Variants in LMF1 observed in about 807,000 individuals in gnomAD.
LMF1 encodes lipase maturation factor 1.
A neutral mutation model predicts 60.6 loss-of-function variants in LMF1; 68 were observed. The observed-to-expected ratio is 1.12, with a 90% confidence interval of 0.92 to 1.37. The LOEUF is 1.37. Among genes scored for constraint, LMF1 ranks in the 40% most tolerant of loss-of-function variants. The pLI, the probability that LMF1 is intolerant of heterozygous loss-of-function variation, is 0.00. For missense variants in LMF1, 948 were observed against 767.2 expected, an observed-to-expected ratio of 1.24 and a Z score of -2.78; for synonymous variants, 418 against 324.7, an observed-to-expected ratio of 1.29 and a Z score of -3.09.
At chr16:893,564 A>G (rs111842468) in intron 4 of LMF1, among the ~76,000 whole-genome samples, 4 of 152,236 alleles carry the variant, frequency 2.6e-5, no homozygotes, top group African/African-American at 9.6e-5. Flanking sequence ...TCTCCCACAC[A>G]CTGCAGCTCG....
At chr16:858,763 C>T (rs2069304755) in intron 10 of LMF1, among the ~76,000 whole-genome samples, 1 of 91,298 alleles carries the variant, frequency 1.1e-5, no homozygotes, top group Non-Finnish European at 2.0e-5. Flanking sequence ...ACTGGTGTCA[C>T]GGGACGGGTG....
At position 955,470 on chromosome 16, in the gene LMF1, TA is replaced by T. The variant is rs370239846; in HGVS notation, c.194-805del. ...GCCTGCAGCAGACGCGGTGTGTGCA[TA>T]CACACACACACACATCTAAGTAAAC... On this transcript the variant is annotated intron_variant, in intron 1 of 10. Coordinates refer to ENST00000262301, the MANE Select transcript of LMF1 (RefSeq NM_022773.4). Among the ~76,000 whole-genome samples the T allele has an allele frequency of 5.1e-3, 270 of 52,644 alleles. 3 individuals carry two copies. Among genetic ancestry groups the T allele is most frequent in the African/African-American group, 0.014 (97 of 6,864 alleles). The allele number at this position is 52,644 out of a possible 152,430, so 34.5% of individuals were successfully genotyped here.
intron 6 of LMF1, among the ~76,000 whole-genome samples, chr16:877,075 C>T (rs2070012453): frequency 6.6e-6 from 1 of 151,926 alleles, no homozygotes; most frequent in Admixed American, 6.5e-5. Flanking sequence ...CGCACACCTG[C>T]AGTCACGGCA....
At chr16:909,217 A>G (rs1404809439) in intron 4 of LMF1, among the ~76,000 whole-genome samples, 1 of 152,200 alleles carries the variant, frequency 6.6e-6, no homozygotes, top group Non-Finnish European at 1.5e-5. Context: ...GGGCTGGCGC[A>G]AGGTGAGACG....
At chr16:965,951 A>C (rs1021493418) in intron 1 of LMF1, among the ~76,000 whole-genome samples, 3 of 152,146 alleles carry the variant, frequency 2.0e-5, no homozygotes, top group Non-Finnish European at 4.4e-5. Context: ...GCAAGGAGCT[A>C]GAGGGGAGAC....
rs1596874197 is a variant in LMF1, at chr16:874,329, A to C, written c.898-2988T>G. Among the ~76,000 whole-genome samples, 1 of 121,802 alleles carries C rather than the reference A, an allele frequency of 8.2e-6. No individual in the cohort carries two copies. The highest frequency in any genetic ancestry group is 1.7e-5 in the Non-Finnish European group (1 of 59,152). The allele number at this position is 121,802 out of a possible 152,430, so 79.9% of individuals were successfully genotyped here. A position where few individuals can be genotyped will look rare whatever the true frequency, so the allele number is the denominator to read the frequency against. ...AGCGGGCGTGGGGTGCAGCCACCACAGGGCAAGGAGCCCTTTGGGCAGGGC... is the reference window on the plus strand; with the variant it reads ...AGCGGGCGTGGGGTGCAGCCACCACCGGGCAAGGAGCCCTTTGGGCAGGGC... On this transcript the variant is annotated intron_variant, in intron 6 of 10. Transcript: ENST00000262301. This position sits in a 1 kb window ranked among gnomAD's most constrained non-coding sequence, Gnocchi z 4.1.
At chr16:981,606 G>GC (rs1422713355), upstream of LMF1, 1 of 148,014 alleles carries the variant, frequency 6.8e-6, no homozygotes, top group Non-Finnish European at 1.5e-5. Flanking sequence ...GGCGGGGCAG[G>GC]CGGGGGCGCG....
chr16:981,233 C>G, exon 1 of LMF1: 1 of 454,218 alleles, frequency 2.2e-6, no homozygotes. Flanking sequence ...CAGGCAGCAG[C>G]TGACCCCGCG....
intron 6 of LMF1, among the ~76,000 whole-genome samples, chr16:876,515 G>A (rs1260407522): frequency 2.0e-5 from 3 of 152,186 alleles, no homozygotes; most frequent in South Asian, 2.1e-4. Flanking sequence ...GGTCCTGGCC[G>A]ATGCAAGACG....
At chr16:871,079 A>G in intron 7 of LMF1, 82 bp downstream of exon 7, 1 of 1,449,424 alleles carries the variant, frequency 6.9e-7, no homozygotes, top group South Asian at 1.4e-5. Context: ...TGGCGTCCCC[A>G]ACCCACACGG....
intron 1 of LMF1, among the ~76,000 whole-genome samples, chr16:978,016 CAT>C (rs1164365181): frequency 5.3e-4 from 74 of 138,816 alleles, no homozygotes; most frequent in African/African-American, 1.5e-3. Flanking sequence ...CACACACACA[CAT>C]CATACACACG....
At chr16:894,139 T>TC (rs140562372) in intron 4 of LMF1, among the ~76,000 whole-genome samples, 10 of 32,940 alleles carry the variant, frequency 3.0e-4, no homozygotes, top group African/African-American at 4.8e-4. Flanking sequence ...TGCCCACCCG[T>TC]CCCCTGTCCA....
At chr16:888,804 T>C (rs774841805) in intron 5 of LMF1, among the ~76,000 whole-genome samples, 21 of 152,058 alleles carry the variant, frequency 1.4e-4, no homozygotes, top group Non-Finnish European at 2.8e-4. Context: ...GGGTGGGGTT[T>C]TAGGGACAGC....
chr16:977,068 CTA>C (rs1296661075), intron 1 of LMF1: 5 of 454,032 alleles, frequency 1.1e-5, no homozygotes, highest in African/African-American at 4.0e-5. Context: ...CCAGCTCTGG[CTA>C]CAGAGGCCCA....
At chr16:914,735 C>T (rs2071230707) in intron 3 of LMF1, among the ~76,000 whole-genome samples, 2 of 123,442 alleles carry the variant, frequency 1.6e-5, no homozygotes, top group South Asian at 6.2e-4. Flanking sequence ...CTCTCCCTCC[C>T]TCCCCATGAC....
At chr16:893,178 A>T in intron 4 of LMF1, 106 bp from the exon 5 acceptor site, 2 of 982,916 alleles carry the variant, frequency 2.0e-6, no homozygotes, top group Non-Finnish European at 1.6e-6. Context: ...AAGGCCGTGG[A>T]TCTGGGCTGC....
chr16:952,846 CACAG>C (rs2072517375), intron 2 of LMF1, among the ~76,000 whole-genome samples: 4 of 141,008 alleles, frequency 2.8e-5, no homozygotes, highest in Non-Finnish European at 6.2e-5. Context: ...TACACGTCCA[CACAG>C]ACACCCACCC....
chr16:949,512 T>TGACAGAGTAAGCGAAC (rs2072375537), intron 2 of LMF1, among the ~76,000 whole-genome samples: 1 of 53,676 alleles, frequency 1.9e-5, no homozygotes, highest in Admixed American at 2.1e-4. Context: ...TTAGAGACAA[T>TGACAGAGTAAGCGAAC]GACAGAGTCA....
rs1486240670 is a variant in LMF1, at chr16:962,283, G to T, written c.194-7617C>A. 2.0e-5 allele frequency among the ~76,000 whole-genome samples: 3 copies of T among 152,190 alleles called. No homozygotes were observed. Among genetic ancestry groups the T allele is most frequent in the Non-Finnish European group, 4.4e-5 (3 of 68,050 alleles). ...GACAGCACGGGATCACGACCCAGAG[G>T]GAAAATAAATGGGCGTGGGTCCATA... On this transcript the variant is annotated intron_variant, in intron 1 of 10. Transcript: ENST00000262301. The surrounding 1 kb of genome is among the most constrained non-coding windows in gnomAD (Gnocchi z 4.5).
Sources: gnomAD v4.1 joint callset for allele counts (sites outside exome capture counted in the v4.1 genomes callset) on GRCh38, gnomAD v4.1.1 for gene constraint, Gnocchi (gnomAD v3.1) non-coding constraint, MANE v1.5 for transcripts, NCBI Gene and HGNC (gene_info 2026-07-23, HGNC 2026-07-21) for gene names.